Variants in CDH4 observed in about 807,000 individuals in gnomAD.
The protein encoded by CDH4 is cadherin 4.
A neutral mutation model predicts 86.0 loss-of-function variants in CDH4; 33 were observed. The observed-to-expected ratio is 0.38, with a 90% confidence interval of 0.29 to 0.51. The LOEUF (loss-of-function observed/expected upper bound fraction) is 0.51, where lower values mean the gene tolerates loss of function less well. CDH4 is among the 20% of genes least tolerant of loss of function. CDH4 has a pLI of 0.86. For missense variants in CDH4, 1,114 were observed against 1,307.4 expected (o/e 0.85, Z 2.28); for synonymous variants, 555 against 549.4 (o/e 1.01, Z -0.14).
At chr20:61,508,266 C>A (rs1319801103) in intron 2 of CDH4, among the ~76,000 whole-genome samples, 1 of 152,222 alleles carries the variant, frequency 6.6e-6, no homozygotes, top group South Asian at 2.1e-4. Flanking sequence ...GTGTGCCCCC[C>A]ACTGAGTTGG....
At chr20:61,557,691 G>A (rs911515061) in intron 2 of CDH4, among the ~76,000 whole-genome samples, 1 of 151,616 alleles carries the variant, frequency 6.6e-6, no homozygotes, top group African/African-American at 2.4e-5. Flanking sequence ...TTTGGGATAT[G>A]CTTCGATTTC....
At chr20:61,628,742 A>G (rs2427193) in intron 2 of CDH4, among the ~76,000 whole-genome samples, 92,173 of 152,120 alleles carry the variant, frequency 0.61, 28,143 homozygotes, top group East Asian at 0.72. Flanking sequence ...TCACACAGAG[A>G]CTTGCAGCCA....
chr20:61,264,402 G>T (rs902435117), intron 2 of CDH4, among the ~76,000 whole-genome samples: 2 of 151,066 alleles, frequency 1.3e-5, no homozygotes, highest in Non-Finnish European at 2.9e-5. Context: ...ATACCTCAGT[G>T]GCTCCTTCAT....
At chr20:61,613,417 G>C (rs1002117291) in intron 2 of CDH4, among the ~76,000 whole-genome samples, 10 of 151,984 alleles carry the variant, frequency 6.6e-5, no homozygotes, top group African/African-American at 2.4e-4. Context: ...GGAACCCCAA[G>C]TGCCAGGTAA....
At chr20:61,349,252 C>CCA (rs2123296312) in intron 2 of CDH4, among the ~76,000 whole-genome samples, 1 of 152,310 alleles carries the variant, frequency 6.6e-6, no homozygotes, top group African/African-American at 2.4e-5. Context: ...CTGCCCCAAC[C>CCA]CAAGGCTGCT....
At chr20:61,546,831 C>G (rs985233527) in intron 2 of CDH4, among the ~76,000 whole-genome samples, 1 of 152,078 alleles carries the variant, frequency 6.6e-6, no homozygotes, top group Non-Finnish European at 1.5e-5. Flanking sequence ...GGCGCCGACG[C>G]GGTGCCACGG....
chr20:61,422,441 AAAAAAAAAAAAAAAAAAAAAAAAAAAC>A (rs2085183992), intron 2 of CDH4, among the ~76,000 whole-genome samples: 2 of 77,180 alleles, frequency 2.6e-5, no homozygotes, highest in Non-Finnish European at 2.6e-5. Context: ...AAAAAAAAAA[AAAAAAAAAAAAAAAAAAAAAAAAAAAC>A]CAAATCTCCC....
intron 2 of CDH4, among the ~76,000 whole-genome samples, chr20:61,559,519 CT>C (rs1156864328): frequency 0.032 from 3,410 of 105,058 alleles, 66 homozygotes; most frequent in African/African-American, 0.094. Flanking sequence ...ATTTTTTTTT[CT>C]TTTTTTTTTT....
At chr20:61,896,958 G>A (rs764033117) in intron 8 of CDH4, among the ~76,000 whole-genome samples, 1 of 152,106 alleles carries the variant, frequency 6.6e-6, no homozygotes, top group African/African-American at 2.4e-5. Context: ...TGTGGAGCAG[G>A]TGTCTCTGCC....
chr20:61,368,208 A>G (rs888799178), intron 2 of CDH4, among the ~76,000 whole-genome samples: 2 of 152,134 alleles, frequency 1.3e-5, no homozygotes, highest in African/African-American at 4.8e-5. Flanking sequence ...AAAAATAAAT[A>G]GTAACTTCCC....
intron 2 of CDH4, among the ~76,000 whole-genome samples, chr20:61,339,843 C>T (rs369556575): frequency 4.6e-5 from 7 of 152,310 alleles, no homozygotes; most frequent in East Asian, 1.9e-4. Flanking sequence ...GACTCTTCCA[C>T]GTGCTGGATC....
At chr20:61,771,517 A>T (rs1238264010) in intron 3 of CDH4, among the ~76,000 whole-genome samples, 1 of 151,154 alleles carries the variant, frequency 6.6e-6, no homozygotes, top group Non-Finnish European at 1.5e-5. Context: ...CCAGCTACTC[A>T]GGAGGCTGAG....
chr20:61,331,397 C>T (rs563179033), intron 2 of CDH4, among the ~76,000 whole-genome samples: 4 of 152,154 alleles, frequency 2.6e-5, no homozygotes, highest in East Asian at 1.9e-4. Context: ...GTCCCTTCGC[C>T]GGCACCCAGA....
chr20:61,568,248 G>T (rs1188022165), intron 2 of CDH4, among the ~76,000 whole-genome samples: 1 of 152,160 alleles, frequency 6.6e-6, no homozygotes. Flanking sequence ...GTGGTGGGAG[G>T]GAGCCGGTGA....
rs114806209 is a variant in CDH4 at position 61,925,107 on chromosome 20, C to T, written c.1771+631C>T. Among the ~76,000 whole-genome samples the T allele has an allele frequency of 8.6e-3, 1,306 of 152,136 alleles. 17 individuals carry two copies. The highest frequency in any genetic ancestry group is 0.028 in the African/African-American group (1,165 of 41,488). On this transcript the variant is annotated intron_variant, in intron 11 of 15. Transcript: ENST00000614565. ...GGCGGTGGCAAGGTCCCGGGGCAGGCGGCACAGCAGACGACCTCAGGAGCC... is the reference window on the plus strand; with the variant it reads ...GGCGGTGGCAAGGTCCCGGGGCAGGTGGCACAGCAGACGACCTCAGGAGCC...
intron 4 of CDH4, among the ~76,000 whole-genome samples, chr20:61,837,660 G>A (rs986579627): frequency 3.3e-5 from 5 of 152,136 alleles, no homozygotes; most frequent in Non-Finnish European, 7.4e-5. Context: ...GGACACACAA[G>A]GCTGGGAACT....
intron 2 of CDH4, among the ~76,000 whole-genome samples, chr20:61,591,121 A>G (rs2086516654): frequency 6.6e-6 from 1 of 151,762 alleles, no homozygotes; most frequent in African/African-American, 2.4e-5. Context: ...TGGACCTACT[A>G]ATAAGTACCA....
intron 2 of CDH4, among the ~76,000 whole-genome samples, chr20:61,492,196 T>C (rs556312365): frequency 5.9e-5 from 9 of 151,682 alleles, no homozygotes; most frequent in Non-Finnish European, 1.3e-4. Context: ...GGTGTTGATA[T>C]TGTTGATATT....
At chr20:61,683,730 C>G (rs1454361424) in intron 2 of CDH4, among the ~76,000 whole-genome samples, 3 of 152,236 alleles carry the variant, frequency 2.0e-5, no homozygotes, top group African/African-American at 7.2e-5. Flanking sequence ...GTAGAAGACT[C>G]TTCCTGTCAT....
Sources: allele counts gnomAD v4.1 joint callset (sites outside exome capture counted in the v4.1 genomes callset), GRCh38; gene constraint gnomAD v4.1.1; transcripts MANE v1.5; gene names NCBI Gene and HGNC (gene_info 2026-07-23, HGNC 2026-07-21).